COL22A1: variants seen among roughly 807,000 people sequenced by gnomAD.
The protein encoded by COL22A1 is collagen alpha-1(XXII) chain.
Under a neutral mutation model 248.9 loss-of-function variants are expected in COL22A1, and 221 were observed. That is an observed-to-expected ratio of 0.89 (90% CI 0.80 to 0.99). The LOEUF is 0.99. COL22A1 is among the 50% of genes least tolerant of loss of function. The pLI, the probability that COL22A1 is intolerant of heterozygous loss-of-function variation, is 0.00. For missense variants in COL22A1, 2,240 were observed against 2,179.0 expected, an observed-to-expected ratio of 1.03 and a Z score of -0.56; for synonymous variants, 891 against 793.4, an observed-to-expected ratio of 1.12 and a Z score of -2.07.
chr8:138,590,519 G>C (rs572184308), intron 64 of COL22A1, among the ~76,000 whole-genome samples: 1 of 152,034 alleles, frequency 6.6e-6, no homozygotes, highest in Admixed American at 6.5e-5. Context: ...TTTGAAAATA[G>C]GTGAGCCATA....
intron 47 of COL22A1, among the ~76,000 whole-genome samples, chr8:138,640,417 G>A (rs1177775916): frequency 6.6e-6 from 1 of 152,042 alleles, no homozygotes; most frequent in Non-Finnish European, 1.5e-5. Context: ...AACTCTCTAC[G>A]ACTCTCAGAA....
intron 62 of COL22A1, among the ~76,000 whole-genome samples, chr8:138,595,238 G>A (rs1817426673): frequency 6.6e-6 from 1 of 152,152 alleles, no homozygotes; most frequent in South Asian, 2.1e-4. Flanking sequence ...AGGAGGACAG[G>A]TGGTTGGCTT....
chr8:138,912,948 T>C (rs2132222381), intron 1 of COL22A1, among the ~76,000 whole-genome samples: 1 of 152,212 alleles, frequency 6.6e-6, no homozygotes, highest in South Asian at 2.1e-4. Context: ...CATTTTCCAA[T>C]AACACAGCTA....
Position 138,741,452 on chromosome 8 carries a change from C to G in COL22A1, c.2086-3875G>C, listed in dbSNP as rs140004393. On this transcript the variant is annotated intron_variant, in intron 22 of 64. Transcript: ENST00000303045. ...ATCTAAGGTACATTGGAAGGATAAG[C>G]CATTTAACTTGCTGAGTCTTTGTTT... Among the ~76,000 whole-genome samples the G allele has an allele frequency of 3.8e-3, 575 of 152,192 alleles. 2 individuals are homozygous for G. Among genetic ancestry groups the G allele is most frequent in the African/African-American group, 0.013 (545 of 41,512 alleles).
intron 1 of COL22A1, 68 bp from the exon 2 acceptor site, chr8:138,883,312 C>G (rs1824384598): frequency 1.2e-6 from 1 of 864,982 alleles, no homozygotes; most frequent in Non-Finnish European, 1.8e-6. Flanking sequence ...AAACTCTGGG[C>G]CCTGCCCAGG....
At chr8:138,796,389 CTTTTTTTTTTTTTTTT>C (rs11284610) in intron 12 of COL22A1, among the ~76,000 whole-genome samples, 1 of 26,312 alleles carries the variant, frequency 3.8e-5, no homozygotes, top group South Asian at 1.4e-3. Context: ...TGCTACTTTC[CTTTTTTTTTTTTTTTT>C]TTTTTTTTTT....
intron 1 of COL22A1, among the ~76,000 whole-genome samples, chr8:138,895,160 G>A (rs946259943): frequency 6.6e-5 from 10 of 152,000 alleles, no homozygotes; most frequent in African/African-American, 2.4e-4. Flanking sequence ...CCTCACCTAG[G>A]CCATCTTACT....
chr8:138,608,212 C>T (rs368176800), intron 56 of COL22A1, among the ~76,000 whole-genome samples: 146 of 152,268 alleles, frequency 9.6e-4, no homozygotes, highest in African/African-American at 3.1e-3. Context: ...CAAATGAGTC[C>T]GTGGGCATGA....
At chr8:138,724,774 G>T in intron 24 of COL22A1, 106 bp from the exon 25 acceptor site, 3 of 1,014,748 alleles carry the variant, frequency 3.0e-6, no homozygotes, top group Non-Finnish European at 4.6e-6. Context: ...TCTGAGGAGG[G>T]CACCCTGGGG....
At chr8:138,685,339 G>A (rs1415016901) in intron 37 of COL22A1, 27 bp from the exon 38 acceptor site, 3 of 1,590,190 alleles carry the variant, frequency 1.9e-6, no homozygotes, top group Non-Finnish European at 2.6e-6. Context: ...ACATTTCCCA[G>A]GGTCAATTAC....
chr8:138,705,243 C>T (rs1396141515), intron 30 of COL22A1, among the ~76,000 whole-genome samples: 8 of 152,136 alleles, frequency 5.3e-5, no homozygotes, highest in African/African-American at 1.7e-4. Flanking sequence ...CCCAACTTAG[C>T]GAGGCAGGCC....
In COL22A1 at chr8:138,688,935, A is replaced by C. The variant is rs764841948; in HGVS notation, c.2844T>G (p.Asp948Glu). The change falls in exon 37 of 65, where the codon GAT (aspartate) becomes GAG (glutamate). Residue 948 changes from aspartate (D) to glutamate (E), a missense_variant. Transcript: ENST00000303045. ...GTCTTACCTTCTCACCACGCTCCCCATCTTTCCCTGGGGTGCCTCTGAGGC... is the reference window on the plus strand; with the variant it reads ...GTCTTACCTTCTCACCACGCTCCCCCTCTTTCCCTGGGGTGCCTCTGAGGC... The part of the protein sequence containing the change: ...APGLRGTPGK[D>E]GERGEKGAAG... 2 of 1,613,218 alleles carry C rather than the reference A, an allele frequency of 1.2e-6. No homozygotes were observed. The highest frequency in any genetic ancestry group is 3.3e-5 in the Admixed American group (2 of 59,980).
At chr8:138,886,655 C>T (rs893800954) in intron 1 of COL22A1, among the ~76,000 whole-genome samples, 1 of 152,188 alleles carries the variant, frequency 6.6e-6, no homozygotes, top group Non-Finnish European at 1.5e-5. Flanking sequence ...GTGCCTATTA[C>T]TAATAGAAAA....
chr8:138,828,401 T>TG (rs1428754290), intron 5 of COL22A1, among the ~76,000 whole-genome samples: 1 of 152,052 alleles, frequency 6.6e-6, no homozygotes, highest in Non-Finnish European at 1.5e-5. Context: ...CAAGGTTCGC[T>TG]GGGGGGTGGG....
intron 17 of COL22A1, 24 bp from the exon 18 acceptor site, chr8:138,760,311 GA>G: frequency 1.3e-6 from 2 of 1,594,768 alleles, no homozygotes; most frequent in Non-Finnish European, 1.7e-6. Flanking sequence ...AGAAAAGGCA[GA>G]TTATGATGGG....
chr8:138,826,884 A>AC (rs775377386), intron 5 of COL22A1, 103 bp from the exon 6 acceptor site: 2 of 1,383,346 alleles, frequency 1.4e-6, no homozygotes, highest in Non-Finnish European at 2.0e-6. Context: ...TGCCAATTTG[A>AC]CTTCCTAAAT....
intron 46 of COL22A1, among the ~76,000 whole-genome samples, chr8:138,647,270 C>A (rs1201143036): frequency 1.5e-4 from 23 of 152,162 alleles, no homozygotes. Context: ...ACCAGATGGA[C>A]CCTGAGATGA....
At chr8:138,763,256 G>A (rs1412077916) in intron 16 of COL22A1, among the ~76,000 whole-genome samples, 9 of 152,130 alleles carry the variant, frequency 5.9e-5, no homozygotes, top group East Asian at 1.9e-4. Context: ...GTGTGGTGGC[G>A]TGTGCCTGTA....
chr8:138,863,405 A>G (rs900453781), intron 3 of COL22A1, among the ~76,000 whole-genome samples: 2 of 152,126 alleles, frequency 1.3e-5, no homozygotes, highest in Admixed American at 6.6e-5. Flanking sequence ...TCAACTGTAC[A>G]TGACGCAGTG....
Sources: allele counts gnomAD v4.1 joint callset (sites outside exome capture counted in the v4.1 genomes callset), GRCh38; gene constraint gnomAD v4.1.1; transcripts MANE v1.5; gene names NCBI Gene and HGNC (gene_info 2026-07-23, HGNC 2026-07-21).